The following MACROD1 variants were observed in gnomAD, a reference collection of about 807,000 sequenced individuals.
The protein encoded by MACROD1 is ADP-ribose glycohydrolase MACROD1.
A neutral mutation model predicts 41.4 loss-of-function variants in MACROD1; 31 were observed. The observed-to-expected ratio is 0.75, with a 90% confidence interval of 0.56 to 1.01. MACROD1 has a LOEUF of 1.01. Among genes scored for constraint, MACROD1 ranks in the 50% least tolerant of loss-of-function variants. The pLI is 0.00. For synonymous variants in MACROD1, 252 were observed against 203.4 expected (o/e 1.24, Z -2.03); for missense variants, 473 against 460.0 (o/e 1.03, Z -0.26).
At position 64,067,740 on chromosome 11, in the gene MACROD1, AC is replaced by A. The variant is rs1448765193; in HGVS notation, c.518-52460del. On this transcript the variant is annotated intron_variant, in intron 3 of 10. Coordinates refer to ENST00000255681, the MANE Select transcript of MACROD1 (RefSeq NM_014067.4). The surrounding 1 kb of genome is among the most constrained non-coding windows in gnomAD (Gnocchi z 4.6). ...CCCTCGCGAGGCACCGCAGGCTGCC[AC>A]CCCCAGCTTGTGAACTGGGGGTGGC... 6.6e-6 allele frequency among the ~76,000 whole-genome samples: 1 copy of A among 151,898 alleles called. No individual in the cohort carries two copies. The highest frequency in any genetic ancestry group is 1.5e-5 in the Non-Finnish European group (1 of 67,958).
At chr11:64,089,760 C>G (rs1944457775) in intron 3 of MACROD1, among the ~76,000 whole-genome samples, 1 of 152,088 alleles carries the variant, frequency 6.6e-6, no homozygotes, top group Non-Finnish European at 1.5e-5. Context: ...AGCTGCCAGT[C>G]CCGTGGGGGC....
At position 64,166,055 on chromosome 11, in the gene MACROD1, G is replaced by C; in HGVS notation, c.-61C>G. 1 of 1,237,098 alleles carries C rather than the reference G, an allele frequency of 8.1e-7. No individual in the cohort carries two copies. Among genetic ancestry groups the C allele is most frequent in the Non-Finnish European group, 1.0e-6 (1 of 991,634 alleles). 76.6% of individuals were successfully genotyped at this position (1,237,098 alleles called of 1,614,324 possible). ...GACTCTATTTACGGCGCTCGGGAGT[G>C]TCTCTCCCTTATTTACTCTGGGACC... On this transcript the variant is annotated 5_prime_UTR_variant, in exon 1 of 11. Transcript: ENST00000255681.
chr11:64,000,013 G>C, intron 5 of MACROD1: 1 of 634,068 alleles, frequency 1.6e-6, no homozygotes, highest in African/African-American at 1.8e-5. Context: ...GCGCGAAGGC[G>C]TTGCCCCCCA....
chr11:64,105,800 G>A lies in MACROD1; in HGVS notation c.517+45439C>T, dbSNP rs564269359. Among the ~76,000 whole-genome samples the A allele has an allele frequency of 3.3e-5, 5 of 152,302 alleles. No homozygotes were observed. In the East Asian group the frequency reaches 9.6e-4, roughly 29 times the overall value. The stretch of plus-strand genomic sequence containing the variant: ...GTTGGGCGCCAAGGCCCCAGGAGGT[G>A]GGCGGGGAGGCTGCCCACAGCTGCG... On this transcript the variant is annotated intron_variant, in intron 3 of 10. Coordinates refer to ENST00000255681, the MANE Select transcript of MACROD1 (RefSeq NM_014067.4).
At position 64,112,464 on chromosome 11, in the gene MACROD1, A is replaced by G. The variant is rs557242309; in HGVS notation, c.517+38775T>C. Reference sequence around the variant, plus strand: ...GGGAGGCGGAGGTTGTAGTGACCCAAGATCGCTCCACTGCACTCCCACCTG... The same window carrying G: ...GGGAGGCGGAGGTTGTAGTGACCCAGGATCGCTCCACTGCACTCCCACCTG... On this transcript the variant is annotated intron_variant, in intron 3 of 10. Coordinates refer to ENST00000255681, the MANE Select transcript of MACROD1 (RefSeq NM_014067.4). Among the ~76,000 whole-genome samples the G allele has an allele frequency of 3.9e-5, 6 of 152,326 alleles. No homozygotes were observed. The South Asian group carries it at 1.2e-3, about 32-fold the overall frequency.
chr11:64,007,149 T>G (rs1327849320), intron 4 of MACROD1, among the ~76,000 whole-genome samples: 1 of 152,118 alleles, frequency 6.6e-6, no homozygotes, highest in Admixed American at 6.5e-5. Context: ...CCCGCGCCCC[T>G]CCTACTGGTT....
chr11:64,117,972 G>C, intron 3 of MACROD1: 1 of 1,613,790 alleles, frequency 6.2e-7, no homozygotes, highest in Non-Finnish European at 8.5e-7. Context: ...CCTCTTCCTG[G>C]TCCTGGGGGC....
At chr11:64,052,697 G>T (rs769497961) in intron 3 of MACROD1, among the ~76,000 whole-genome samples, 1 of 152,198 alleles carries the variant, frequency 6.6e-6, no homozygotes, top group Admixed American at 6.5e-5. Flanking sequence ...AGGAAATGGC[G>T]CTTAGAGAAG....
chr11:64,038,191 C>T (rs1943419177), intron 3 of MACROD1, among the ~76,000 whole-genome samples: 1 of 152,192 alleles, frequency 6.6e-6, no homozygotes, highest in Non-Finnish European at 1.5e-5. Context: ...GCTGCCATCC[C>T]ACTGGTCACC....
At chr11:64,069,724 G>A (rs943917479) in intron 3 of MACROD1, among the ~76,000 whole-genome samples, 12 of 152,204 alleles carry the variant, frequency 7.9e-5, no homozygotes, top group Non-Finnish European at 1.3e-4. Context: ...TGACACCCCC[G>A]GGCCCGGCCC....
At chr11:64,136,763 C>T (rs1280050411) in intron 3 of MACROD1, among the ~76,000 whole-genome samples, 1 of 152,200 alleles carries the variant, frequency 6.6e-6, no homozygotes, top group Non-Finnish European at 1.5e-5. Flanking sequence ...CACATCGTGA[C>T]GTGGAATTAG....
chr11:64,050,567 C>T (rs570518029), intron 3 of MACROD1, among the ~76,000 whole-genome samples: 2 of 152,196 alleles, frequency 1.3e-5, no homozygotes, highest in African/African-American at 2.4e-5. Context: ...TCCCTCACAG[C>T]GCTAAGGACA....
chr11:64,117,864 T>C (rs1945020529), intron 3 of MACROD1: 1 of 1,614,022 alleles, frequency 6.2e-7, no homozygotes, highest in African/African-American at 1.3e-5. Context: ...AGCCGACAGC[T>C]ATGGCCCTAC....
At chr11:64,019,095 C>T (rs369344038) in intron 3 of MACROD1, among the ~76,000 whole-genome samples, 25 of 152,234 alleles carry the variant, frequency 1.6e-4, no homozygotes, top group Admixed American at 2.0e-4. Context: ...TGGGTGGGGG[C>T]GGGGCCTCCC....
At chr11:64,048,198 G>A (rs1340030473) in intron 3 of MACROD1, among the ~76,000 whole-genome samples, 2 of 152,250 alleles carry the variant, frequency 1.3e-5, no homozygotes, top group Admixed American at 6.5e-5. Flanking sequence ...CAGGGCTTGT[G>A]AGAGCCGGGG....
At chr11:64,004,551 C>T (rs915180015) in intron 4 of MACROD1, among the ~76,000 whole-genome samples, 1 of 152,110 alleles carries the variant, frequency 6.6e-6, no homozygotes, top group Non-Finnish European at 1.5e-5. Context: ...CAGCTGTGCC[C>T]CTACCGAGGG....
At chr11:64,023,838 C>G (rs1332292256) in intron 3 of MACROD1, among the ~76,000 whole-genome samples, 2 of 152,204 alleles carry the variant, frequency 1.3e-5, no homozygotes, top group Non-Finnish European at 2.9e-5. Context: ...CATCCCACCC[C>G]CACGCCTCTC....
intron 3 of MACROD1, among the ~76,000 whole-genome samples, chr11:64,080,737 G>A (rs1367960141): frequency 6.6e-6 from 1 of 152,172 alleles, no homozygotes; most frequent in African/African-American, 2.4e-5. Context: ...GAGGGGACAG[G>A]CCCCCGGCTG....
chr11:64,005,887 C>T (rs995395571), intron 4 of MACROD1, among the ~76,000 whole-genome samples: 1 of 152,216 alleles, frequency 6.6e-6, no homozygotes, highest in African/African-American at 2.4e-5. Flanking sequence ...TGTGTCTCCC[C>T]TCCAGCCCAG....
Sources: gnomAD v4.1 joint callset for allele counts (sites outside exome capture counted in the v4.1 genomes callset) on GRCh38, gnomAD v4.1.1 for gene constraint, Gnocchi (gnomAD v3.1) non-coding constraint, MANE v1.5 for transcripts, NCBI Gene and HGNC (gene_info 2026-07-23, HGNC 2026-07-21) for gene names.